The following NRG2 variants were observed in gnomAD, a reference collection of about 807,000 sequenced individuals.
The protein encoded by NRG2 is neuregulin 2, also known as pro-neuregulin-2, membrane-bound isoform.
In NRG2, 27 loss-of-function variants were observed where a neutral mutation model predicts 73.9. The ratio of observed to expected loss-of-function variants is 0.37; its 90% CI spans 0.27 to 0.50. The LOEUF (loss-of-function observed/expected upper bound fraction) is 0.50. Among genes scored for constraint, NRG2 ranks in the 20% least tolerant of loss-of-function variants. The pLI is 0.96. For missense variants in NRG2, 1,126 were observed against 1,210.1 expected (o/e 0.93, Z 1.03); for synonymous variants, 532 against 541.0 (o/e 0.98, Z 0.23).
At chr5:140,019,493 G>C (rs1213933822) in intron 1 of NRG2, 1 of 152,294 alleles carries the variant, frequency 6.6e-6, no homozygotes, top group Non-Finnish European at 1.5e-5. Flanking sequence ...ATGGGTTCAG[G>C]CTGCTCCGAG....
intron 1 of NRG2, among the ~76,000 whole-genome samples, chr5:139,930,156 G>A (rs568445021): frequency 1.3e-5 from 2 of 152,270 alleles, no homozygotes; most frequent in African/African-American, 4.8e-5. Flanking sequence ...GTGAGGACCA[G>A]GTTTATTGTC....
At chr5:139,876,629 C>A (rs1388080641) in intron 3 of NRG2, among the ~76,000 whole-genome samples, 1 of 151,964 alleles carries the variant, frequency 6.6e-6, no homozygotes, top group Non-Finnish European at 1.5e-5. Flanking sequence ...TGTGGAGCTG[C>A]GTCCCCGACT....
At chr5:139,985,115 G>A (rs938168024) in intron 1 of NRG2, among the ~76,000 whole-genome samples, 2 of 151,980 alleles carry the variant, frequency 1.3e-5, no homozygotes, top group Non-Finnish European at 2.9e-5. Context: ...TGAGGTAGAT[G>A]GATCACTTGA....
At position 139,852,598 on chromosome 5, in the gene NRG2, G is replaced by T; in HGVS notation, c.1417-39C>A. The stretch of plus-strand genomic sequence containing the variant: ...AGTTGGGCGAGAGTTAGTGACTGGG[G>T]CCCAAATGAACTCTTTCTTGTTGGG... On this transcript the variant is annotated intron_variant, in intron 7 of 9. Transcript: ENST00000361474. This position sits in a 1 kb window ranked among gnomAD's most constrained non-coding sequence, Gnocchi z 4.4. 1 of 1,602,384 alleles carries T rather than the reference G, an allele frequency of 6.2e-7. No homozygotes were observed. The highest frequency in any genetic ancestry group is 1.1e-5 in the South Asian group (1 of 88,368).
At chr5:139,987,221 A>C (rs991371485) in intron 1 of NRG2, among the ~76,000 whole-genome samples, 2 of 151,778 alleles carry the variant, frequency 1.3e-5, no homozygotes, top group African/African-American at 4.8e-5. Flanking sequence ...AAATACAAAA[A>C]AAAAAAAAAT....
chr5:139,990,226 C>T (rs1288616626), intron 1 of NRG2, among the ~76,000 whole-genome samples: 1 of 152,084 alleles, frequency 6.6e-6, no homozygotes, highest in Non-Finnish European at 1.5e-5. Flanking sequence ...AAATGTCAAA[C>T]TTTAATTGTT....
At chr5:139,881,032 C>T in intron 2 of NRG2, 58 bp from the exon 3 acceptor site, 1 of 1,421,150 alleles carries the variant, frequency 7.0e-7, no homozygotes. Context: ...CTGTGGCTCC[C>T]CAGCAGTCAC....
chr5:140,017,227 T>G (rs537498286), intron 1 of NRG2, among the ~76,000 whole-genome samples: 10 of 152,044 alleles, frequency 6.6e-5, no homozygotes, highest in Non-Finnish European at 1.3e-4. Flanking sequence ...GAACACAAAG[T>G]GCAACTTAAG....
At chr5:139,913,329 A>G (rs1750994887) in intron 1 of NRG2, among the ~76,000 whole-genome samples, 1 of 152,010 alleles carries the variant, frequency 6.6e-6, no homozygotes, top group African/African-American at 2.4e-5. Context: ...TGGCCTCTCC[A>G]CCCACTCTGA....
At chr5:139,943,886 A>AACAAACAAACCCATAAACAATAT (rs1308322205) in intron 1 of NRG2, among the ~76,000 whole-genome samples, 5 of 152,212 alleles carry the variant, frequency 3.3e-5, no homozygotes, top group Non-Finnish European at 7.3e-5. Context: ...AATGCAAACA[A>AACAAACAAACCCATAAACAATAT]ACAAACAAAC....
At chr5:139,867,675 T>C (rs1415750323) in intron 4 of NRG2, among the ~76,000 whole-genome samples, 1 of 152,056 alleles carries the variant, frequency 6.6e-6, no homozygotes, top group Non-Finnish European at 1.5e-5. Flanking sequence ...GCCAAATGAC[T>C]CTTGGATTCC....
intron 1 of NRG2, among the ~76,000 whole-genome samples, chr5:139,989,289 C>T (rs1191076563): frequency 1.3e-5 from 2 of 152,020 alleles, no homozygotes; most frequent in South Asian, 2.1e-4. Context: ...TACTAAACAT[C>T]TTCCTAACTG....
intron 1 of NRG2, among the ~76,000 whole-genome samples, chr5:139,934,864 C>T (rs1255212325): frequency 1.3e-5 from 2 of 152,130 alleles, no homozygotes; most frequent in Non-Finnish European, 2.9e-5. Flanking sequence ...TTCATTCATT[C>T]ATAAGAAATA....
At chr5:139,971,718 C>A (rs938501243) in intron 1 of NRG2, among the ~76,000 whole-genome samples, 1 of 152,020 alleles carries the variant, frequency 6.6e-6, no homozygotes, top group Non-Finnish European at 1.5e-5. Context: ...TAGTAAGAAA[C>A]GTGCAGGATC....
chr5:139,976,105 G>C (rs529806173), intron 1 of NRG2, among the ~76,000 whole-genome samples: 4 of 152,006 alleles, frequency 2.6e-5, no homozygotes, highest in Admixed American at 6.6e-5. Context: ...CTTGTCCAAG[G>C]TCACCAACTT....
At chr5:140,039,940 GA>G (rs1761792204) in intron 1 of NRG2, among the ~76,000 whole-genome samples, 1 of 152,210 alleles carries the variant, frequency 6.6e-6, no homozygotes, top group African/African-American at 2.4e-5. Context: ...ATAGAAAACA[GA>G]AAATGAATTT....
chr5:139,876,676 G>C (rs990042888), intron 3 of NRG2, among the ~76,000 whole-genome samples: 3 of 152,000 alleles, frequency 2.0e-5, no homozygotes, highest in Non-Finnish European at 1.5e-5. Flanking sequence ...TTTGCTCATG[G>C]AGAAAACTTC....
Position 140,042,522 on chromosome 5 carries a change from C to G in NRG2, c.548G>C (p.Gly183Ala). 6.2e-7 allele frequency: 1 copy of G among 1,613,328 alleles called. No individual in the cohort carries two copies. The highest frequency in any genetic ancestry group is 8.5e-7 in the Non-Finnish European group (1 of 1,179,752). The change falls in exon 1 of 10, where the codon GGC becomes GCC. Residue 183 changes from glycine to alanine, a missense_variant. Physicochemically the swap from Gly to Ala is moderately conservative, Grantham distance 60. Coordinates refer to ENST00000361474, the MANE Select transcript of NRG2 (RefSeq NM_004883.3). Reference sequence around the variant, plus strand: ...GTTCCTTTCGAGCGGCACACAGGAGCCCACGCTGATCACCTGCTCGCGCTG... The same window carrying G: ...GTTCCTTTCGAGCGGCACACAGGAGGCCACGCTGATCACCTGCTCGCGCTG... The part of the protein sequence containing the change: ...GLQREQVISV[G>A]SCVPLERNQR...
At chr5:140,029,620 G>A (rs533556454) in intron 1 of NRG2, among the ~76,000 whole-genome samples, 7 of 148,656 alleles carry the variant, frequency 4.7e-5, no homozygotes, top group South Asian at 4.2e-4. Flanking sequence ...TCTGGAAGGC[G>A]GAGGTTGCAG....
Sources: allele counts gnomAD v4.1 joint callset (sites outside exome capture counted in the v4.1 genomes callset), GRCh38; gene constraint gnomAD v4.1.1; non-coding constraint Gnocchi (gnomAD v3.1); transcripts MANE v1.5; gene names NCBI Gene and HGNC (gene_info 2026-07-23, HGNC 2026-07-21).